The following TRIM54 variants were observed in gnomAD, a reference collection of about 807,000 sequenced individuals.
TRIM54 encodes the protein tripartite motif-containing protein 54.
In TRIM54, 40 loss-of-function variants were observed where a neutral mutation model predicts 42.0. The observed-to-expected ratio is 0.95, with a 90% CI of 0.74 to 1.24. TRIM54 has a LOEUF of 1.24. TRIM54 is among the 50% of genes most tolerant of loss of function. The pLI is 0.00. For missense variants in TRIM54, 485 were observed against 480.3 expected (o/e 1.01, Z -0.09); for synonymous variants, 199 against 194.9 (o/e 1.02, Z -0.17).
At chr2:27,302,323 C>T (rs1447776208) in intron 3 of TRIM54, among the ~76,000 whole-genome samples, 6 of 149,046 alleles carry the variant, frequency 4.0e-5, no homozygotes, top group East Asian at 2.0e-4. Flanking sequence ...TGGTGGCAGG[C>T]GCCTGTAGTC....
Position 27,306,482 on chromosome 2 carries a change from G to T in TRIM54, c.1018G>T (p.Ala340Ser). 1 of 1,587,890 alleles carries T rather than the reference G, an allele frequency of 6.3e-7. No homozygotes were observed. The highest frequency in any genetic ancestry group is 8.6e-7 in the Non-Finnish European group (1 of 1,166,750). The change falls in exon 8 of 9, where the codon GCC becomes TCC. Residue 340 changes from alanine (A) to serine (S), a missense_variant. Ala to Ser is a moderately conservative substitution (Grantham distance 99). Transcript: ENST00000380075. The surrounding 1 kb of genome is among the most constrained non-coding windows in gnomAD (Gnocchi z 6.1). Reference protein sequence around the residue: ...PGASGEEEEVAPDGEEGSAGP... With the variant: ...PGASGEEEEVSPDGEEGSAGP... ...CGCTTCCGGGGAGGAAGAGGAGGTG[G>T]CCCCAGACGGAGAGGAGGGCAGCGC... is the stretch of plus-strand genomic sequence containing the variant.
At position 27,299,260 on chromosome 2, in the gene TRIM54, G is replaced by A; in HGVS notation, c.357G>A (p.Lys119=). The change falls in exon 3 of 9, where the codon AAG becomes AAA. Residue 119 remains lysine (K), a synonymous_variant. Coordinates refer to ENST00000380075, the MANE Select transcript of TRIM54 (RefSeq NM_187841.3). ...TCCTCTCTAGGCCGCTGCACTCCAAGGCTGAGCAGCACCTCATGTGCGAGG... is the reference window on the plus strand; with the variant it reads ...TCCTCTCTAGGCCGCTGCACTCCAAAGCTGAGCAGCACCTCATGTGCGAGG... ...KQESSRPLHS[K]AEQHLMCEEH... 6.2e-7 allele frequency: 1 copy of A among 1,613,976 alleles called. No homozygotes were observed. The highest frequency in any genetic ancestry group is 1.6e-4 in the Middle Eastern group (1 of 6,062).
Position 27,282,808 on chromosome 2 carries a change from G to GC in TRIM54, c.81dup (p.Ile28HisfsTer57). 1.2e-6 allele frequency: 2 copies of GC among 1,614,062 alleles called. No homozygotes were observed. Among genetic ancestry groups the GC allele is most frequent in the South Asian group, 2.2e-5 (2 of 91,074 alleles). The stretch of plus-strand genomic sequence containing the variant: ...GACAACCTGGAGAAGCAGCTCATCT[G>GC]CCCCATCTGCCTGGAGATGTTCTCC... On this transcript the variant is annotated frameshift_variant, in exon 1 of 9. Transcript: ENST00000380075. LOFTEE classifies it high-confidence loss of function.
chr2:27,306,136 G>A lies in TRIM54; in HGVS notation c.866+34G>A, dbSNP rs1422685398. The A allele has an allele frequency of 6.2e-7, 1 of 1,614,020 alleles. No homozygotes were observed. The stretch of plus-strand genomic sequence containing the variant: ...GCATAGCGGGAAGGGAAAGGAGGGG[G>A]CTGCACTGCTCCACTGGCTGGGGTG... On this transcript the variant is annotated intron_variant, in intron 6 of 8. Transcript: ENST00000380075. The surrounding 1 kb of genome is among the most constrained non-coding windows in gnomAD (Gnocchi z 6.1).
In TRIM54 at chr2:27,282,648, A is replaced by G; in HGVS notation, c.-84A>G. The G allele has an allele frequency of 6.9e-7, 1 of 1,443,142 alleles. No individual in the cohort carries two copies. Among genetic ancestry groups the G allele is most frequent in the Non-Finnish European group, 9.3e-7 (1 of 1,075,066 alleles). The allele number at this position is 1,443,142 out of a possible 1,614,324, so 89.4% of individuals were successfully genotyped here. On this transcript the variant is annotated 5_prime_UTR_variant, in exon 1 of 9. Coordinates refer to ENST00000380075, the MANE Select transcript of TRIM54 (RefSeq NM_187841.3). ...AAGAGTGAGCCACAGAAGGGAATCC[A>G]GAGGCCATCTAAGCGAGGAAGGGTC...
intron 1 of TRIM54, among the ~76,000 whole-genome samples, chr2:27,288,005 C>G (rs1678624457): frequency 6.6e-6 from 1 of 152,216 alleles, no homozygotes; most frequent in South Asian, 2.1e-4. Context: ...GTTTACCAGC[C>G]CCTTGGGCCA....
chr2:27,298,005 C>G (rs904543441), intron 1 of TRIM54, among the ~76,000 whole-genome samples: 2 of 137,896 alleles, frequency 1.5e-5, no homozygotes, highest in Non-Finnish European at 3.2e-5. Flanking sequence ...AAAAAAAGGC[C>G]GGGGGGAGGG....
chr2:27,289,564 G>A (rs1401523351), intron 1 of TRIM54, among the ~76,000 whole-genome samples: 1 of 152,116 alleles, frequency 6.6e-6, no homozygotes, highest in East Asian at 1.9e-4. Context: ...TGATCTGCCC[G>A]CCTCGGCCTC....
At chr2:27,305,943 C>G (rs1335879588) in intron 5 of TRIM54, 126 bp downstream of exon 5, 14 of 1,387,652 alleles carry the variant, frequency 1.0e-5, no homozygotes, top group Admixed American at 2.0e-5. Flanking sequence ...CAAGTCACCC[C>G]CTCTGAGTTC....
rs1488275345 is a variant in TRIM54, at chr2:27,306,063, C to G, written c.844-17C>G. 6.2e-7 allele frequency: 1 copy of G among 1,613,700 alleles called. No homozygotes were observed. Among genetic ancestry groups the G allele is most frequent in the African/African-American group, 1.3e-5 (1 of 75,044 alleles). ...TTGGCCCAGTGCTTACTCTCACCCT[C>G]CTTTTCTTCCCTGCAGCAGGCCAAG... On this transcript the variant is annotated splice_polypyrimidine_tract_variant and intron_variant, in intron 5 of 8. Coordinates refer to ENST00000380075, the MANE Select transcript of TRIM54 (RefSeq NM_187841.3). This position sits in a 1 kb window ranked among gnomAD's most constrained non-coding sequence, Gnocchi z 6.1.
intron 3 of TRIM54, among the ~76,000 whole-genome samples, chr2:27,303,172 C>T (rs1425382818): frequency 6.6e-6 from 1 of 152,122 alleles, no homozygotes; most frequent in Non-Finnish European, 1.5e-5. Context: ...GGCAGCATTT[C>T]GCAGAGGACC....
intron 1 of TRIM54, among the ~76,000 whole-genome samples, chr2:27,286,439 C>T (rs1678561331): frequency 6.6e-6 from 1 of 152,192 alleles, no homozygotes; most frequent in African/African-American, 2.4e-5. Flanking sequence ...CTTCCTCCTT[C>T]TTTCCCCACA....
intron 1 of TRIM54, among the ~76,000 whole-genome samples, chr2:27,297,441 G>C (rs1480342484): frequency 6.6e-6 from 1 of 152,204 alleles, no homozygotes; most frequent in African/African-American, 2.4e-5. Context: ...TCTAGGATAG[G>C]ATGGAGCAAC....
rs1315062737 is a variant in TRIM54, at chr2:27,306,621, C to T, written c.*1+79C>T. ...GGGGCCTGGCTGGTGTGCTCGCGTCCCCTCCCCCAGTGATTGCCCTCCCTG... is the reference window on the plus strand; with the variant it reads ...GGGGCCTGGCTGGTGTGCTCGCGTCTCCTCCCCCAGTGATTGCCCTCCCTG... On this transcript the variant is annotated intron_variant, in intron 8 of 8. Transcript: ENST00000380075. This position sits in a 1 kb window ranked among gnomAD's most constrained non-coding sequence, Gnocchi z 6.1. 29 of 1,366,172 alleles carry T rather than the reference C, an allele frequency of 2.1e-5. No individual in the cohort carries two copies. The highest frequency in any genetic ancestry group is 2.7e-5 in the Non-Finnish European group (28 of 1,019,952). The allele number at this position is 1,366,172 out of a possible 1,614,324, so 84.6% of individuals were successfully genotyped here.
At chr2:27,291,353 C>T (rs866724685) in intron 1 of TRIM54, among the ~76,000 whole-genome samples, 12 of 152,194 alleles carry the variant, frequency 7.9e-5, no homozygotes, top group African/African-American at 2.2e-4. Context: ...GAAACCCTGT[C>T]GCAAAACAAA....
chr2:27,291,943 C>T (rs1042098358), intron 1 of TRIM54, among the ~76,000 whole-genome samples: 7 of 152,146 alleles, frequency 4.6e-5, no homozygotes, highest in Middle Eastern at 3.2e-3. Context: ...CTGAGCAAGA[C>T]GGTGGGAAAG....
At chr2:27,285,952 C>T (rs1054931828) in intron 1 of TRIM54, among the ~76,000 whole-genome samples, 10 of 152,000 alleles carry the variant, frequency 6.6e-5, no homozygotes, top group Non-Finnish European at 1.5e-4. Flanking sequence ...ATACTGGCTA[C>T]GTAAGGTGGC....
intron 1 of TRIM54, among the ~76,000 whole-genome samples, chr2:27,285,889 A>G (rs757478590): frequency 6.6e-6 from 1 of 152,014 alleles, no homozygotes; most frequent in African/African-American, 2.4e-5. Context: ...ATTTTATAAG[A>G]CCAAGTTAAC....
At chr2:27,298,265 A>G (rs998070603) in intron 1 of TRIM54, among the ~76,000 whole-genome samples, 6 of 152,140 alleles carry the variant, frequency 3.9e-5, no homozygotes, top group African/African-American at 1.4e-4. Flanking sequence ...ATGTCTCCCC[A>G]TGGCTCCAAG....
Sources: allele counts gnomAD v4.1 joint callset (sites outside exome capture counted in the v4.1 genomes callset), GRCh38; gene constraint gnomAD v4.1.1; non-coding constraint Gnocchi (gnomAD v3.1); transcripts MANE v1.5; gene names NCBI Gene and HGNC (gene_info 2026-07-23, HGNC 2026-07-21).